CTTNBP2NL: variants seen among roughly 807,000 people sequenced by gnomAD.
The protein encoded by CTTNBP2NL is CTTNBP2 N-terminal like.
Under a neutral mutation model 32.5 loss-of-function variants are expected in CTTNBP2NL, and 16 were observed. The ratio of observed to expected loss-of-function variants is 0.49; its 90% CI spans 0.33 to 0.75. The LOEUF is 0.75. Among genes scored for constraint, CTTNBP2NL ranks in the 30% least tolerant of loss-of-function variants. CTTNBP2NL has a pLI of 0.02. For missense variants in CTTNBP2NL, 645 were observed against 756.0 expected (o/e 0.85, Z 1.72); for synonymous variants, 298 against 289.4 (o/e 1.03, Z -0.30).
intron 3 of CTTNBP2NL, among the ~76,000 whole-genome samples, chr1:112,446,864 A>C (rs897547890): frequency 6.6e-6 from 1 of 152,138 alleles, no homozygotes; most frequent in Non-Finnish European, 1.5e-5. Flanking sequence ...ACCATGTTTT[A>C]AAATAAGAAG....
intron 3 of CTTNBP2NL, among the ~76,000 whole-genome samples, chr1:112,426,487 T>C (rs866985325): frequency 6.6e-6 from 1 of 151,506 alleles, no homozygotes; most frequent in African/African-American, 2.4e-5. Context: ...AAGCCAGGAG[T>C]TGAAGACCAG....
rs773975549 is a variant in CTTNBP2NL at position 112,449,067 on chromosome 1, C to T, written c.225C>T (p.Val75=). The change falls in exon 4 of 6, where the codon GTC becomes GTT. Residue 75 remains valine, a synonymous_variant. Transcript: ENST00000271277. ...KEKNDGEKQP[V]CTNPLSILKV... ...AAAATGATGGCGAAAAGCAGCCAGT[C>T]TGCACAAATCCACTCTCTATTCTTA... The T allele has an allele frequency of 1.2e-6, 2 of 1,612,804 alleles. No individual in the cohort carries two copies. Among genetic ancestry groups the T allele is most frequent in the South Asian group, 2.2e-5 (2 of 91,054 alleles).
In CTTNBP2NL at chr1:112,412,270, CTG is replaced by C. The variant is rs1488877881; in HGVS notation, c.-55_-54del. 2.6e-5 allele frequency: 4 copies of C among 152,110 alleles called. No individual in the cohort carries two copies. Among genetic ancestry groups the C allele is most frequent in the Non-Finnish European group, 5.9e-5 (4 of 68,030 alleles). 9.4% of individuals were successfully genotyped at this position (152,110 alleles called of 1,614,324 possible). ...TTTCCCAATTTTTTACTGAAGAAAA[CTG>C]TAAGTTTATACTTGAGGACTGAAGT... On this transcript the variant is annotated 5_prime_UTR_variant, in exon 2 of 6. It introduces an in-frame stop codon into an upstream open reading frame of the 5' UTR. Coordinates refer to ENST00000271277, the MANE Select transcript of CTTNBP2NL (RefSeq NM_018704.3).
Position 112,416,385 on chromosome 1 carries a change from A to T in CTTNBP2NL, c.99+121A>T, listed in dbSNP as rs1310477743. 11 of 594,652 alleles carry T rather than the reference A, an allele frequency of 1.8e-5. No individual in the cohort carries two copies. The East Asian group carries it at 3.3e-4, about 18-fold the overall frequency. 36.8% of individuals were successfully genotyped at this position (594,652 alleles called of 1,614,324 possible). On this transcript the variant is annotated intron_variant, in intron 3 of 5. Coordinates refer to ENST00000271277, the MANE Select transcript of CTTNBP2NL (RefSeq NM_018704.3). Reference sequence around the variant, plus strand: ...TTGAAATTAAATGGAGGACATACTGATACTTGCCATAGGTAGCCACCTACA... The same window carrying T: ...TTGAAATTAAATGGAGGACATACTGTTACTTGCCATAGGTAGCCACCTACA...
At chr1:112,405,526 T>TATAA (rs1648635811) in intron 1 of CTTNBP2NL, among the ~76,000 whole-genome samples, 1 of 152,222 alleles carries the variant, frequency 6.6e-6, no homozygotes, top group East Asian at 1.9e-4. Context: ...TTGAACTCTT[T>TATAA]ATCTCAGGTG....
rs753193149 is a variant in CTTNBP2NL at position 112,456,633 on chromosome 1, T to C, written c.1141T>C (p.Leu381=). 5 of 1,613,980 alleles carry C rather than the reference T, an allele frequency of 3.1e-6. No individual in the cohort carries two copies. The highest frequency in any genetic ancestry group is 3.4e-6 in the Non-Finnish European group (4 of 1,180,030). Residue 381 remains leucine (L), a synonymous_variant, in exon 6 of 6, where the codon TTG becomes CTG. Transcript: ENST00000271277. ...QVPPREKSVA[L]AQEKPVENGG... ...GCCTCCACGGGAAAAATCTGTGGCA[T>C]TGGCCCAAGAGAAACCAGTGGAGAA...
At chr1:112,408,765 A>G (rs963292253) in intron 1 of CTTNBP2NL, among the ~76,000 whole-genome samples, 15 of 152,214 alleles carry the variant, frequency 9.9e-5, no homozygotes, top group African/African-American at 3.6e-4. Context: ...TCACATGTCC[A>G]TCTTGGCTCT....
intron 1 of CTTNBP2NL, among the ~76,000 whole-genome samples, chr1:112,411,077 T>G (rs933601286): frequency 1.3e-5 from 2 of 152,222 alleles, no homozygotes; most frequent in African/African-American, 2.4e-5. Flanking sequence ...CTGGAATAGC[T>G]TATGCAGTGG....
In CTTNBP2NL at chr1:112,454,958, T is replaced by C. The variant is rs190623459; in HGVS notation, c.438+402T>C. Among the ~76,000 whole-genome samples, 9 of 152,340 alleles carry C rather than the reference T, an allele frequency of 5.9e-5. No homozygotes were observed. In the East Asian group the frequency reaches 1.5e-3, roughly 26 times the overall value. ...ATTTTATGTCACAACCCAGTATATGTAGACATACACAGTTACGCCTGAAAC... is the reference window on the plus strand; with the variant it reads ...ATTTTATGTCACAACCCAGTATATGCAGACATACACAGTTACGCCTGAAAC... On this transcript the variant is annotated intron_variant, in intron 5 of 5. Coordinates refer to ENST00000271277, the MANE Select transcript of CTTNBP2NL (RefSeq NM_018704.3).
intron 1 of CTTNBP2NL, among the ~76,000 whole-genome samples, chr1:112,399,024 A>G (rs1320805959): frequency 6.6e-6 from 1 of 152,072 alleles, no homozygotes; most frequent in African/African-American, 2.4e-5. Context: ...TTTTTGTTCA[A>G]GAATAGTTTC....
chr1:112,460,024 A>G lies in CTTNBP2NL; in HGVS notation c.*2612A>G, dbSNP rs1570751564. 1 of 152,120 alleles carries G rather than the reference A, an allele frequency of 6.6e-6. No individual in the cohort carries two copies. Among genetic ancestry groups the G allele is most frequent in the East Asian group, 1.9e-4 (1 of 5,200 alleles). 9.4% of individuals were successfully genotyped at this position (152,120 alleles called of 1,614,324 possible). A position where few individuals can be genotyped will look rare whatever the true frequency, so the allele number is the denominator to read the frequency against. Reference sequence around the variant, plus strand: ...AGATTAGTATTTAAGTTTGCTGTAGATTGTGTGTGTGTGTGCTAAGTAAAA... The same window carrying G: ...AGATTAGTATTTAAGTTTGCTGTAGGTTGTGTGTGTGTGTGCTAAGTAAAA... On this transcript the variant is annotated 3_prime_UTR_variant, in exon 6 of 6. Coordinates refer to ENST00000271277, the MANE Select transcript of CTTNBP2NL (RefSeq NM_018704.3).
At chr1:112,444,401 C>G (rs1357378714) in intron 3 of CTTNBP2NL, among the ~76,000 whole-genome samples, 1 of 152,178 alleles carries the variant, frequency 6.6e-6, no homozygotes, top group Non-Finnish European at 1.5e-5. Context: ...GTATGGCCGA[C>G]TCTAAGAAGA....
chr1:112,447,435 A>G (rs573325768), intron 3 of CTTNBP2NL, among the ~76,000 whole-genome samples: 53 of 152,288 alleles, frequency 3.5e-4, no homozygotes, highest in Non-Finnish European at 5.7e-4. Context: ...TATTTCCAGT[A>G]TACAAATAAC....
chr1:112,429,484 T>G (rs995183564), intron 3 of CTTNBP2NL, among the ~76,000 whole-genome samples: 1 of 152,202 alleles, frequency 6.6e-6, no homozygotes, highest in Non-Finnish European at 1.5e-5. Flanking sequence ...TGAATAGCTA[T>G]TGTACTCCAG....
intron 3 of CTTNBP2NL, among the ~76,000 whole-genome samples, chr1:112,427,592 A>C (rs1019821213): frequency 1.3e-5 from 2 of 152,220 alleles, no homozygotes; most frequent in African/African-American, 4.8e-5. Context: ...CTAGCAATTA[A>C]GTCTTCAGAA....
intron 3 of CTTNBP2NL, among the ~76,000 whole-genome samples, chr1:112,425,425 C>T (rs1031813015): frequency 2.6e-5 from 4 of 152,024 alleles, no homozygotes; most frequent in African/African-American, 7.2e-5. Flanking sequence ...GAGCTGAGAT[C>T]GCGCCACCGC....
chr1:112,430,214 T>TTCTTTTCTTGTCTTTTCTTG (rs200721619), intron 3 of CTTNBP2NL, among the ~76,000 whole-genome samples: 4 of 40,992 alleles, frequency 9.8e-5, no homozygotes, highest in Admixed American at 3.1e-4. Context: ...TTCTTTTCTT[T>TTCTTTTCTTGTCTTTTCTTG]TCTTTTCTTG....
chr1:112,434,334 T>C (rs1649663789), intron 3 of CTTNBP2NL, among the ~76,000 whole-genome samples: 1 of 152,220 alleles, frequency 6.6e-6, no homozygotes, highest in Non-Finnish European at 1.5e-5. Context: ...CTTTGTTCTC[T>C]GTTTTGGTTA....
intron 3 of CTTNBP2NL, among the ~76,000 whole-genome samples, chr1:112,443,359 G>A (rs902280378): frequency 5.9e-5 from 9 of 152,080 alleles, no homozygotes; most frequent in South Asian, 4.2e-4. Context: ...GATTACAGGC[G>A]TGTGCCACCA....
Sources: allele counts gnomAD v4.1 joint callset (sites outside exome capture counted in the v4.1 genomes callset), GRCh38; gene constraint gnomAD v4.1.1; transcripts MANE v1.5; gene names NCBI Gene and HGNC (gene_info 2026-07-23, HGNC 2026-07-21).